Variants in MPV17L2 observed in about 807,000 individuals in gnomAD.
The protein encoded by MPV17L2 is MPV17 mitochondrial inner membrane protein like 2.
A neutral mutation model predicts 24.2 loss-of-function variants in MPV17L2; 25 were observed. The observed-to-expected ratio is 1.03, with a 90% CI of 0.75 to 1.44. The LOEUF (loss-of-function observed/expected upper bound fraction) is 1.44. MPV17L2 is among the 40% of genes most tolerant of loss of function. MPV17L2 has a pLI of 0.00. For synonymous variants in MPV17L2, 130 were observed against 121.4 expected (o/e 1.07, Z -0.46); for missense variants, 271 against 276.2 (o/e 0.98, Z 0.13).
At chr19:18,194,621 C>A (rs952463013) in intron 2 of MPV17L2, among the ~76,000 whole-genome samples, 156 bp from the exon 3 acceptor site, 2 of 152,240 alleles carry the variant, frequency 1.3e-5, no homozygotes, top group Non-Finnish European at 2.9e-5. Context: ...CCCTAATTCT[C>A]TGTCCATCCC....
In MPV17L2 at chr19:18,193,328, G is replaced by A. The variant is rs764522678; in HGVS notation, c.47G>A (p.Gly16Glu). The change falls in exon 1 of 5, where the codon GGG (glycine) becomes GAG (glutamate). Residue 16 changes from glycine to glutamate, a missense_variant. Gly to Glu is a moderately conservative substitution (Grantham distance 98, BLOSUM62 -2). Coordinates refer to ENST00000599612, the MANE Select transcript of MPV17L2 (RefSeq NM_032683.3). ...CGGCTACGCCGCCTGTTATCCGCGG[G>A]GCAGCTTCTATTCCAGGGCCGCGCG... ...WRRLRRLLSAGQLLFQGRALL... is the reference protein window; with the variant it reads ...WRRLRRLLSAEQLLFQGRALL... 3 of 1,561,004 alleles carry A rather than the reference G, an allele frequency of 1.9e-6. No individual in the cohort carries two copies. In the African/African-American group the frequency reaches 4.2e-5, roughly 22 times the overall value.
chr19:18,193,300 C>A lies in MPV17L2; in HGVS notation c.19C>A (p.Arg7Ser). 6.5e-7 allele frequency: 1 copy of A among 1,542,392 alleles called. No individual in the cohort carries two copies. Among genetic ancestry groups the A allele is most frequent in the Non-Finnish European group, 8.7e-7 (1 of 1,151,700 alleles). Residue 7 changes from arginine (R) to serine (S), a missense_variant, in exon 1 of 5, where the codon CGC becomes AGC. Coordinates refer to ENST00000599612, the MANE Select transcript of MPV17L2 (RefSeq NM_032683.3). MARGGW[R>S]RLRRLLSAGQ... ...GAGGGCGATGGCGCGGGGTGGCTGG[C>A]GCCGGCTACGCCGCCTGTTATCCGC...
chr19:18,195,126 C>G lies in MPV17L2; in HGVS notation c.564+40C>G, dbSNP rs371336268. The G allele has an allele frequency of 9.4e-6, 15 of 1,599,424 alleles. No individual in the cohort carries two copies. The African/African-American group carries it at 2.0e-4, about 21-fold the overall frequency. The stretch of plus-strand genomic sequence containing the variant: ...CATACCAGGCACCCAGGGGACTCCC[C>G]AGGGGGCTACACGTGTGAGCTCCAA... On this transcript the variant is annotated intron_variant, in intron 4 of 4. Transcript: ENST00000599612.
In MPV17L2 at chr19:18,193,983, C is replaced by T. The variant is rs548190583; in HGVS notation, c.307C>T (p.Leu103Phe). 1.4e-5 allele frequency: 22 copies of T among 1,614,140 alleles called. No homozygotes were observed. The highest frequency in any genetic ancestry group is 1.9e-5 in the Non-Finnish European group (22 of 1,180,062). ...CTTCCCAAATGTCCTCAAGAAGGTC[C>T]TCGTGGATCAGCTGGTAGCCTCTCC... ...RGFPNVLKKV[L>F]VDQLVASPLL... The change falls in exon 2 of 5, where the codon CTC (leucine) becomes TTC (phenylalanine). Residue 103 changes from leucine (L) to phenylalanine (F), a missense_variant. Physicochemically the swap from Leu to Phe is conservative, Grantham distance 22 (BLOSUM62 0). Coordinates refer to ENST00000599612, the MANE Select transcript of MPV17L2 (RefSeq NM_032683.3).
intron 1 of MPV17L2, 36 bp from the exon 2 acceptor site, chr19:18,193,828 C>G: frequency 6.2e-7 from 1 of 1,606,536 alleles, no homozygotes. Context: ...AGGAACTTGC[C>G]GGCCCGACCC....
At position 18,196,059 on chromosome 19, in the gene MPV17L2, G is replaced by A. The variant is rs1216411846; in HGVS notation, c.*4G>A. 8 of 1,613,962 alleles carry A rather than the reference G, an allele frequency of 5.0e-6. No individual in the cohort carries two copies. The highest frequency in any genetic ancestry group is 1.3e-5 in the African/African-American group (1 of 74,928). ...CCTGGACACCCGAGCAGACTGAACT[G>A]TCTGCTTCCTGGACCAGATGCAAGA... On this transcript the variant is annotated 3_prime_UTR_variant, in exon 5 of 5. Coordinates refer to ENST00000599612, the MANE Select transcript of MPV17L2 (RefSeq NM_032683.3).
intron 4 of MPV17L2, among the ~76,000 whole-genome samples, 179 bp from the exon 5 acceptor site, chr19:18,195,820 G>C (rs998194608): frequency 2.6e-5 from 4 of 152,236 alleles, no homozygotes; most frequent in African/African-American, 9.6e-5. Flanking sequence ...CTGGGCGACA[G>C]TTCGAGACTC....
At chr19:18,194,682 G>T in intron 2 of MPV17L2, 95 bp from the exon 3 acceptor site, 1 of 1,179,438 alleles carries the variant, frequency 8.5e-7, no homozygotes. Flanking sequence ...GGGCTCTCAG[G>T]GGCCCAACCC....
intron 2 of MPV17L2, chr19:18,194,255 G>A (rs939703082): frequency 1.9e-5 from 11 of 570,310 alleles, no homozygotes; most frequent in Non-Finnish European, 3.4e-5. Flanking sequence ...GCTGCCCTGG[G>A]CGGGAGGTTG....
chr19:18,193,989 G>T lies in MPV17L2; in HGVS notation c.313G>T (p.Asp105Tyr). The stretch of plus-strand genomic sequence containing the variant: ...AAATGTCCTCAAGAAGGTCCTCGTG[G>T]ATCAGCTGGTAGCCTCTCCATTGCT... ...FPNVLKKVLV[D>Y]QLVASPLLGV... Residue 105 changes from aspartate (D) to tyrosine (Y), a missense_variant, in exon 2 of 5, where the codon GAT becomes TAT. Coordinates refer to ENST00000599612, the MANE Select transcript of MPV17L2 (RefSeq NM_032683.3). The T allele has an allele frequency of 6.2e-7, 1 of 1,614,238 alleles. No homozygotes were observed. The highest frequency in any genetic ancestry group is 8.5e-7 in the Non-Finnish European group (1 of 1,180,036).
chr19:18,195,944 G>A (rs1323798735), intron 4 of MPV17L2, 55 bp from the exon 5 acceptor site: 1 of 1,547,492 alleles, frequency 6.5e-7, no homozygotes, highest in African/African-American at 1.4e-5. Context: ...GCAGGTAGAG[G>A]GACAGGGAGG....
rs765442185 is a variant in MPV17L2 at position 18,196,161 on chromosome 19, C to T, written c.*106C>T. ...GCAAGCTCGGGTCTTGAGCCACGTC[C>T]CAGCACCACTTCAGCTCCGGAGCAT... is the stretch of plus-strand genomic sequence containing the variant. On this transcript the variant is annotated 3_prime_UTR_variant, in exon 5 of 5. Transcript: ENST00000599612. 5.7e-6 allele frequency: 9 copies of T among 1,587,800 alleles called. No individual in the cohort carries two copies. The highest frequency in any genetic ancestry group is 2.3e-5 in the East Asian group (1 of 43,964).
At position 18,194,771 on chromosome 19, in the gene MPV17L2, T is replaced by G. The variant is rs375792025; in HGVS notation, c.359-6T>G. 1.9e-6 allele frequency: 3 copies of G among 1,605,158 alleles called. No individual in the cohort carries two copies. In the South Asian group the frequency reaches 3.3e-5, roughly 18 times the overall value. ...TAACACTCTCATTTCTTGGTTTGCT[T>G]CCCAGGCCTTGGCTGCCTGGAGGGT... is the stretch of plus-strand genomic sequence containing the variant. On this transcript the variant is annotated splice_polypyrimidine_tract_variant and splice_region_variant and intron_variant, in intron 2 of 4. Coordinates refer to ENST00000599612, the MANE Select transcript of MPV17L2 (RefSeq NM_032683.3).
At chr19:18,194,728 A>G (rs753122252) in intron 2 of MPV17L2, 49 bp from the exon 3 acceptor site, 31 of 1,528,838 alleles carry the variant, frequency 2.0e-5, no homozygotes, top group Non-Finnish European at 2.8e-5. Flanking sequence ...TGTCGTCTCA[A>G]CAGTACTTCC....
At chr19:18,195,941 G>A (rs62120383) in intron 4 of MPV17L2, 58 bp from the exon 5 acceptor site, 485,490 of 1,534,000 alleles carry the variant, frequency 0.32, 80,021 homozygotes, top group Non-Finnish European at 0.34. Flanking sequence ...AGGGCAGGTA[G>A]AGGGACAGGG....
Position 18,194,204 on chromosome 19 carries a change from C to T in MPV17L2, c.358+170C>T, listed in dbSNP as rs1299436032. 8 of 699,812 alleles carry T rather than the reference C, an allele frequency of 1.1e-5. No individual in the cohort carries two copies. In the African/African-American group the frequency reaches 1.4e-4, roughly 13 times the overall value. 43.4% of individuals were successfully genotyped at this position (699,812 alleles called of 1,614,324 possible). ...ACAGGACGGACTCGGCCGATGTGAA[C>T]GCTGGCGAGTGTAGGAGGGACGAGG... On this transcript the variant is annotated intron_variant, in intron 2 of 4. Transcript: ENST00000599612.
Position 18,193,288 on chromosome 19 carries a change from C to A in MPV17L2, c.7C>A (p.Arg3=). The change falls in exon 1 of 5, where the codon CGG becomes AGG. Residue 3 remains arginine, a synonymous_variant. Transcript: ENST00000599612. Reference sequence around the variant, plus strand: ...TCCTTGGTTCCTGAGGGCGATGGCGCGGGGTGGCTGGCGCCGGCTACGCCG... The same window carrying A: ...TCCTTGGTTCCTGAGGGCGATGGCGAGGGGTGGCTGGCGCCGGCTACGCCG... MA[R]GGWRRLRRLL... is the part of the protein sequence containing the mutation. 6.5e-7 allele frequency: 1 copy of A among 1,540,050 alleles called. No individual in the cohort carries two copies.
chr19:18,193,315 C>T lies in MPV17L2; in HGVS notation c.34C>T (p.Leu12=). 6.4e-7 allele frequency: 1 copy of T among 1,553,828 alleles called. No individual in the cohort carries two copies. The highest frequency in any genetic ancestry group is 1.2e-5 in the South Asian group (1 of 84,756). Residue 12 remains leucine, a synonymous_variant, in exon 1 of 5, where the codon CTG becomes TTG. Coordinates refer to ENST00000599612, the MANE Select transcript of MPV17L2 (RefSeq NM_032683.3). Reference sequence around the variant, plus strand: ...GGGTGGCTGGCGCCGGCTACGCCGCCTGTTATCCGCGGGGCAGCTTCTATT... The same window carrying T: ...GGGTGGCTGGCGCCGGCTACGCCGCTTGTTATCCGCGGGGCAGCTTCTATT... ...ARGGWRRLRR[L]LSAGQLLFQG...
rs1400159101 is a variant in MPV17L2 at position 18,194,697 on chromosome 19, C to T, written c.359-80C>T. The stretch of plus-strand genomic sequence containing the variant: ...GGGCTCTCAGGGGCCCAACCCCGCC[C>T]CCTCCATCGTCAGCCCATCTTGTCG... On this transcript the variant is annotated intron_variant, in intron 2 of 4. Transcript: ENST00000599612. 5.2e-5 allele frequency: 70 copies of T among 1,344,628 alleles called. No homozygotes were observed. The South Asian group carries it at 8.5e-4, about 16-fold the overall frequency. 83.3% of individuals were successfully genotyped at this position (1,344,628 alleles called of 1,614,324 possible).
Sources: gnomAD v4.1 joint callset for allele counts (sites outside exome capture counted in the v4.1 genomes callset) on GRCh38, gnomAD v4.1.1 for gene constraint, MANE v1.5 for transcripts, NCBI Gene and HGNC (gene_info 2026-07-23, HGNC 2026-07-21) for gene names.